Variants in IMMP2L observed in about 807,000 individuals in gnomAD.
IMMP2L encodes the protein inner mitochondrial membrane peptidase subunit 2.
Under a neutral mutation model 19.3 loss-of-function variants are expected in IMMP2L, and 18 were observed. The observed-to-expected ratio is 0.93, with a 90% CI of 0.64 to 1.38. The LOEUF is 1.38. Ranked by LOEUF, IMMP2L falls within the 40% of genes most tolerant of loss-of-function variation. The probability of loss-of-function intolerance (pLI) is 0.00; values close to 1 mark genes in which losing one functional copy is unlikely to be tolerated. For synonymous variants in IMMP2L, 76 were observed against 73.0 expected (o/e 1.04, Z -0.21); for missense variants, 233 against 218.2 (o/e 1.07, Z -0.43).
intron 3 of IMMP2L, among the ~76,000 whole-genome samples, chr7:111,437,471 AC>A (rs1027341523): frequency 1.3e-5 from 2 of 151,994 alleles, no homozygotes; most frequent in African/African-American, 4.8e-5. Context: ...AATGCATCCC[AC>A]TGCTATCACA....
chr7:111,049,897 T>C (rs971272956), intron 3 of IMMP2L, among the ~76,000 whole-genome samples: 1 of 151,998 alleles, frequency 6.6e-6, no homozygotes, highest in African/African-American at 2.4e-5. Context: ...CATAGGGAAG[T>C]GTGAGAAATG....
intron 3 of IMMP2L, among the ~76,000 whole-genome samples, chr7:111,441,140 C>G (rs1165032586): frequency 6.6e-6 from 1 of 151,884 alleles, no homozygotes; most frequent in African/African-American, 2.4e-5. Context: ...GGCTATTTCA[C>G]TTTCTCATCA....
intron 5 of IMMP2L, among the ~76,000 whole-genome samples, chr7:110,702,941 T>C (rs1423077761): frequency 6.6e-6 from 1 of 152,132 alleles, no homozygotes; most frequent in African/African-American, 2.4e-5. Context: ...AGTACAACAC[T>C]GAATTAAAGT....
At chr7:111,301,938 A>C (rs1289861433) in intron 3 of IMMP2L, among the ~76,000 whole-genome samples, 2 of 150,202 alleles carry the variant, frequency 1.3e-5, no homozygotes, top group East Asian at 3.9e-4. Context: ...AAAAAAAAAA[A>C]AAAAAAAAAA....
intron 5 of IMMP2L, among the ~76,000 whole-genome samples, chr7:110,876,783 C>A (rs190256979): frequency 3.3e-5 from 5 of 152,196 alleles, no homozygotes; most frequent in African/African-American, 1.2e-4. Flanking sequence ...CCAATCTAAT[C>A]TTTCATTCAT....
intron 5 of IMMP2L, among the ~76,000 whole-genome samples, chr7:110,701,033 T>G (rs1346293642): frequency 6.6e-6 from 1 of 152,226 alleles, no homozygotes; most frequent in African/African-American, 2.4e-5. Context: ...TATGAAGGGT[T>G]ACAGTTAAGG....
chr7:111,093,964 G>A (rs1329345204), intron 3 of IMMP2L, among the ~76,000 whole-genome samples: 2 of 152,122 alleles, frequency 1.3e-5, no homozygotes, highest in Non-Finnish European at 2.9e-5. Flanking sequence ...GGTTGTTGTT[G>A]TTAATGGCTT....
intron 3 of IMMP2L, among the ~76,000 whole-genome samples, chr7:111,094,870 A>C (rs1051923803): frequency 6.6e-6 from 1 of 152,092 alleles, no homozygotes; most frequent in African/African-American, 2.4e-5. Context: ...GATAAATCGG[A>C]ACGTTTTTCT....
intron 3 of IMMP2L, among the ~76,000 whole-genome samples, chr7:111,048,052 A>C (rs563623189): frequency 8.4e-4 from 127 of 151,886 alleles, no homozygotes; most frequent in African/African-American, 2.8e-3. Context: ...ATCCTGGCTA[A>C]CACGGTGAAA....
intron 3 of IMMP2L, among the ~76,000 whole-genome samples, chr7:111,395,300 C>T (rs1308343058): frequency 6.6e-6 from 1 of 152,128 alleles, no homozygotes; most frequent in African/African-American, 2.4e-5. Context: ...CTACCCTCTG[C>T]CATTTTTTTC....
chr7:111,105,901 T>C (rs1347668273), intron 3 of IMMP2L, among the ~76,000 whole-genome samples: 2 of 151,942 alleles, frequency 1.3e-5, no homozygotes, highest in South Asian at 2.1e-4. Flanking sequence ...ACTCCACTGA[T>C]GTATGTATCA....
At chr7:111,183,262 C>T (rs893715568) in intron 3 of IMMP2L, among the ~76,000 whole-genome samples, 4 of 151,990 alleles carry the variant, frequency 2.6e-5, no homozygotes, top group East Asian at 1.9e-4. Flanking sequence ...TATGCTGAAA[C>T]GGAAGTAAAC....
intron 3 of IMMP2L, among the ~76,000 whole-genome samples, chr7:111,269,638 T>A (rs953557300): frequency 6.7e-6 from 1 of 150,126 alleles, no homozygotes; most frequent in Non-Finnish European, 1.5e-5. Context: ...TAGTATGTAT[T>A]ACAGTTTTTT....
intron 5 of IMMP2L, among the ~76,000 whole-genome samples, chr7:110,869,338 T>A (rs1273687763): frequency 6.6e-6 from 1 of 152,162 alleles, no homozygotes; most frequent in Non-Finnish European, 1.5e-5. Context: ...AGATTATACA[T>A]AAGTGCAATA....
intron 3 of IMMP2L, among the ~76,000 whole-genome samples, chr7:111,154,287 C>T (rs541874533): frequency 2.0e-5 from 3 of 152,170 alleles, no homozygotes; most frequent in African/African-American, 4.8e-5. Flanking sequence ...TGGCTAGCTA[C>T]TTATTTCTTA....
At chr7:110,670,083 T>C (rs963907681) in intron 5 of IMMP2L, among the ~76,000 whole-genome samples, 3 of 152,086 alleles carry the variant, frequency 2.0e-5, no homozygotes, top group African/African-American at 7.2e-5. Flanking sequence ...ATGGAAACTT[T>C]AAAGGGATGA....
intron 3 of IMMP2L, among the ~76,000 whole-genome samples, chr7:111,201,705 G>A (rs545608537): frequency 6.8e-6 from 1 of 147,146 alleles, no homozygotes; most frequent in Non-Finnish European, 1.5e-5. Flanking sequence ...AACAGAGCAA[G>A]ACCCTGTCTC....
intron 3 of IMMP2L, chr7:111,097,233 T>A (rs1415645943): frequency 6.6e-6 from 1 of 151,834 alleles, no homozygotes; most frequent in Admixed American, 6.6e-5. Context: ...TCCCAACTGG[T>A]ACAAAACAGG....
intron 4 of IMMP2L, among the ~76,000 whole-genome samples, chr7:110,946,128 T>C (rs563588312): frequency 2.0e-5 from 3 of 152,166 alleles, no homozygotes; most frequent in East Asian, 1.9e-4. Context: ...TCACCTGGAG[T>C]GCCTGTTAAA....
Sources: allele counts gnomAD v4.1 joint callset (sites outside exome capture counted in the v4.1 genomes callset), GRCh38; gene constraint gnomAD v4.1.1; transcripts MANE v1.5; gene names NCBI Gene and HGNC (gene_info 2026-07-23, HGNC 2026-07-21).